Variants in DCDC1 observed in about 807,000 individuals in gnomAD.
DCDC1 encodes doublecortin domain-containing protein 1.
DCDC1 carries 200 observed loss-of-function variants against 178.3 expected under a neutral mutation model. The observed-to-expected ratio is 1.12, with a 90% CI of 1.00 to 1.26. The LOEUF (loss-of-function observed/expected upper bound fraction) is 1.26, where lower values mean the gene tolerates loss of function less well. Ranked by LOEUF, DCDC1 falls within the 50% of genes most tolerant of loss-of-function variation. The pLI is 0.00. For missense variants in DCDC1, 1,983 were observed against 1,749.2 expected (o/e 1.13, Z -2.38); for synonymous variants, 690 against 604.8 (o/e 1.14, Z -2.07).
intron 1 of DCDC1, among the ~76,000 whole-genome samples, chr11:31,339,703 T>A (rs1442463495): frequency 6.6e-6 from 1 of 152,224 alleles, no homozygotes; most frequent in African/African-American, 2.4e-5. Context: ...GTACTTCAGA[T>A]GCCAAGAACA....
chr11:31,230,994 C>G (rs755085252), intron 9 of DCDC1, among the ~76,000 whole-genome samples: 3 of 151,920 alleles, frequency 2.0e-5, no homozygotes, highest in Non-Finnish European at 4.4e-5. Flanking sequence ...GGGTCTTGCT[C>G]TGTTGCCCAG....
At chr11:31,266,916 T>C (rs561615396) in intron 7 of DCDC1, among the ~76,000 whole-genome samples, 1 of 152,336 alleles carries the variant, frequency 6.6e-6, no homozygotes, top group East Asian at 1.9e-4. Flanking sequence ...AGGTTGAATT[T>C]TAAAGGCAAA....
At chr11:31,332,875 G>A (rs1395191834) in intron 2 of DCDC1, among the ~76,000 whole-genome samples, 1 of 152,174 alleles carries the variant, frequency 6.6e-6, no homozygotes, top group Non-Finnish European at 1.5e-5. Flanking sequence ...GGGGTGGAGA[G>A]TTCTGTAGAT....
chr11:31,084,275 G>A (rs1957352338), intron 17 of DCDC1, among the ~76,000 whole-genome samples: 1 of 151,848 alleles, frequency 6.6e-6, no homozygotes, highest in Admixed American at 6.6e-5. Flanking sequence ...TTGATTCACA[G>A]CTTTTGTTAA....
At chr11:31,214,570 G>C (rs934141320) in intron 9 of DCDC1, among the ~76,000 whole-genome samples, 1 of 152,080 alleles carries the variant, frequency 6.6e-6, no homozygotes, top group Non-Finnish European at 1.5e-5. Flanking sequence ...ATGCAGATTA[G>C]AAAGAGCCAA....
At chr11:31,200,779 CATTGGCTACTAATAACTAACCTAT>C (rs1971206696) in intron 9 of DCDC1, among the ~76,000 whole-genome samples, 1 of 151,858 alleles carries the variant, frequency 6.6e-6, no homozygotes, top group African/African-American at 2.4e-5. Flanking sequence ...AGCATGCTAT[CATTGGCTACTAATAACTAACCTAT>C]ATTGGTGAGG....
chr11:31,067,315 A>G (rs1359166429), intron 18 of DCDC1, among the ~76,000 whole-genome samples: 1 of 152,162 alleles, frequency 6.6e-6, no homozygotes, highest in Non-Finnish European at 1.5e-5. Flanking sequence ...AAGAAGATAA[A>G]CCATTTGCTA....
chr11:31,329,341 A>G (rs963566059), intron 2 of DCDC1, among the ~76,000 whole-genome samples: 1 of 152,080 alleles, frequency 6.6e-6, no homozygotes, highest in Non-Finnish European at 1.5e-5. Flanking sequence ...TCCTACGTAC[A>G]TAAGCCAACA....
At chr11:31,101,778 T>TA in intron 15 of DCDC1, among the ~76,000 whole-genome samples, 1 of 73,390 alleles carries the variant, frequency 1.4e-5, no homozygotes, top group South Asian at 4.4e-4. Flanking sequence ...AATTTATAGT[T>TA]TAAAAAAACT....
intron 1 of DCDC1, among the ~76,000 whole-genome samples, chr11:31,341,426 G>GATAGATACATAC (rs1555184036): frequency 2.6e-5 from 4 of 151,222 alleles, no homozygotes; most frequent in South Asian, 2.1e-4. Context: ...TAGATAGATA[G>GATAGATACATAC]ATAGATAGAT....
intron 3 of DCDC1, among the ~76,000 whole-genome samples, chr11:31,313,864 A>C (rs1288133413): frequency 6.6e-6 from 1 of 152,228 alleles, no homozygotes; most frequent in African/African-American, 2.4e-5. Context: ...CCTACTGTTG[A>C]GATTTTCTAT....
chr11:31,331,910 G>C (rs1950011538), intron 2 of DCDC1, among the ~76,000 whole-genome samples: 1 of 152,150 alleles, frequency 6.6e-6, no homozygotes, highest in Non-Finnish European at 1.5e-5. Context: ...AGTTAGGGAT[G>C]ATTCCCTCTT....
At chr11:30,968,224 C>A (rs1200741043) in intron 20 of DCDC1, among the ~76,000 whole-genome samples, 4 of 152,032 alleles carry the variant, frequency 2.6e-5, no homozygotes, top group Non-Finnish European at 5.9e-5. Context: ...GACCATAGCA[C>A]CACTGATTCT....
intron 9 of DCDC1, among the ~76,000 whole-genome samples, chr11:31,138,437 C>T (rs1414823610): frequency 6.6e-6 from 1 of 152,100 alleles, no homozygotes; most frequent in Non-Finnish European, 1.5e-5. Flanking sequence ...GCTAAACATG[C>T]AATTGTTATG....
intron 20 of DCDC1, among the ~76,000 whole-genome samples, chr11:31,047,384 G>T (rs899335592): frequency 2.0e-5 from 3 of 152,062 alleles, no homozygotes; most frequent in Admixed American, 1.3e-4. Context: ...AACTACAACA[G>T]CCAGATATTT....
chr11:31,236,826 T>G (rs939773951), intron 9 of DCDC1, among the ~76,000 whole-genome samples: 1 of 151,970 alleles, frequency 6.6e-6, no homozygotes, highest in Admixed American at 6.6e-5. Context: ...CAAAGGATAA[T>G]TAGGAAGTTT....
chr11:31,241,599 A>G lies in DCDC1; in HGVS notation c.1072T>C (p.Cys358Arg), dbSNP rs1342702908. The change falls in exon 9 of 39, where the codon TGC (cysteine) becomes CGC (arginine). Residue 358 changes from cysteine to arginine, a missense_variant. By Grantham distance (180) the Cys-to-Arg change is radical (BLOSUM62 -3). Transcript: ENST00000684477. The stretch of plus-strand genomic sequence containing the variant: ...AAAGGTGTGATGGAATTTTGCAGGC[A>G]TTTTTCAAGCAGAGGAACTATGCAA... ...DISKVPLLEK[C>R]LQNSITPLRG... is the part of the protein sequence containing the mutation. The G allele has an allele frequency of 5.0e-6, 2 of 397,220 alleles. No individual in the cohort carries two copies. The highest frequency in any genetic ancestry group is 8.9e-6 in the Non-Finnish European group (2 of 224,806). 24.6% of individuals were successfully genotyped at this position (397,220 alleles called of 1,614,324 possible).
chr11:31,096,245 T>G (rs1283892919), intron 15 of DCDC1, among the ~76,000 whole-genome samples: 5 of 152,194 alleles, frequency 3.3e-5, no homozygotes, highest in African/African-American at 1.2e-4. Context: ...GTGCTTACAG[T>G]GCCTGGATTC....
intron 9 of DCDC1, among the ~76,000 whole-genome samples, chr11:31,226,631 T>C (rs1446601368): frequency 6.6e-6 from 1 of 151,030 alleles, no homozygotes; most frequent in Non-Finnish European, 1.5e-5. Context: ...CTTTAAAGTC[T>C]GGGGAAGAAA....
Sources: gnomAD v4.1 joint callset for allele counts (sites outside exome capture counted in the v4.1 genomes callset) on GRCh38, gnomAD v4.1.1 for gene constraint, MANE v1.5 for transcripts, NCBI Gene and HGNC (gene_info 2026-07-23, HGNC 2026-07-21) for gene names.